RPL31: variants seen among roughly 807,000 people sequenced by gnomAD.
RPL31 encodes ribosomal protein L31.
For synonymous variants in RPL31, 51 were observed against 55.0 expected (o/e 0.93, Z 0.32); for missense variants, 95 against 164.0 (o/e 0.58, Z 2.30).
chr2:101,003,260 A>C (rs1356183447), intron 2 of RPL31, among the ~76,000 whole-genome samples: 3 of 152,168 alleles, frequency 2.0e-5, no homozygotes, highest in Non-Finnish European at 4.4e-5. Flanking sequence ...TTTTTCCACA[A>C]ATAAATGCTT....
At chr2:101,004,326 C>T (rs766345294) in intron 3 of RPL31, 43 bp downstream of exon 3, 15 of 1,608,704 alleles carry the variant, frequency 9.3e-6, no homozygotes, top group East Asian at 4.5e-5. Flanking sequence ...TTTGCAATGA[C>T]ACCAGCTTCA....
chr2:101,017,074 TAAA>T (rs376317331), intron 4 of RPL31, among the ~76,000 whole-genome samples: 32 of 133,022 alleles, frequency 2.4e-4, no homozygotes, highest in Admixed American at 1.6e-3. Context: ...TTAAAAGTAT[TAAA>T]AAAAAAAAAA....
chr2:101,004,139 A>T lies in RPL31; in HGVS notation c.108-19A>T, dbSNP rs1224028338. On this transcript the variant is annotated intron_variant, in intron 2 of 4. Transcript: ENST00000264258. ...AGTTTTGTGCTCCTTTAATTTGTTC[A>T]CTTATGTTTGAATCGTAGGGGCTTC... 1 of 1,609,904 alleles carries T rather than the reference A, an allele frequency of 6.2e-7. No individual in the cohort carries two copies.
At chr2:101,013,208 C>T (rs564405420) in intron 4 of RPL31, among the ~76,000 whole-genome samples, 24 of 152,062 alleles carry the variant, frequency 1.6e-4, no homozygotes, top group Non-Finnish European at 3.2e-4. Flanking sequence ...CAACCTCTGC[C>T]GTCACAGCAT....
chr2:101,003,381 C>G (rs934167111), intron 2 of RPL31, among the ~76,000 whole-genome samples: 2 of 152,114 alleles, frequency 1.3e-5, no homozygotes, highest in African/African-American at 4.8e-5. Flanking sequence ...GGCGCGCTCT[C>G]GGCTCACTGC....
Position 101,006,450 on chromosome 2 carries a change from T to G in RPL31, c.*69T>G. The G allele has an allele frequency of 2.1e-6, 3 of 1,440,134 alleles. No homozygotes were observed. Among genetic ancestry groups the G allele is most frequent in the Non-Finnish European group, 2.9e-6 (3 of 1,042,220 alleles). The allele number at this position is 1,440,134 out of a possible 1,614,324, so 89.2% of individuals were successfully genotyped here. ...GTTTTTGTTCTTTTTAGTTGCAACA[T>G]AATGTACTTGTATACCCTATCCTAA... On this transcript the variant is annotated 3_prime_UTR_variant, in exon 5 of 5. Transcript: ENST00000264258.
chr2:101,012,921 ATCCAC>A (rs769994253), intron 4 of RPL31, among the ~76,000 whole-genome samples: 14 of 152,238 alleles, frequency 9.2e-5, no homozygotes, highest in Non-Finnish European at 7.3e-5. Context: ...ACATGTAAGA[ATCCAC>A]TCAAACTGAA....
chr2:101,015,329 T>C (rs2105367026), intron 4 of RPL31, among the ~76,000 whole-genome samples: 1 of 152,260 alleles, frequency 6.6e-6, no homozygotes. Context: ...AATCAGTGAG[T>C]AGCGAGTGAA....
At chr2:101,017,340 A>G (rs1234077984) in intron 4 of RPL31, among the ~76,000 whole-genome samples, 1 of 152,194 alleles carries the variant, frequency 6.6e-6, no homozygotes, top group Non-Finnish European at 1.5e-5. Context: ...ACATAAACCA[A>G]TAACATTCAT....
Position 101,007,234 on chromosome 2 carries a change from CAAAAAGTTTCT to C in RPL31, c.*854_*864del, listed in dbSNP as rs1678787284. 2.0e-5 allele frequency: 3 copies of C among 152,404 alleles called. No homozygotes were observed. Among genetic ancestry groups the C allele is most frequent in the Admixed American group, 2.0e-4 (3 of 15,312 alleles). The allele number at this position is 152,404 out of a possible 1,614,324, so 9.4% of individuals were successfully genotyped here. ...GTAAAAGAAAAGGACCAAGTAAATA[CAAAAAGTTTCT>C]TATTAAAAAACTTGGAAGCCAACAT... On this transcript the variant is annotated 3_prime_UTR_variant, in exon 5 of 5. Transcript: ENST00000264258.
intron 4 of RPL31, chr2:101,018,866 A>G: frequency 8.5e-7 from 1 of 1,171,642 alleles, no homozygotes; most frequent in Non-Finnish European, 1.2e-6. Flanking sequence ...ATAATTAACT[A>G]AGCAAAATGG....
At chr2:101,007,761 A>G, downstream of RPL31, 1 of 1,534,754 alleles carries the variant, frequency 6.5e-7, no homozygotes, top group Non-Finnish European at 8.9e-7. Context: ...GACCCCAAGA[A>G]ACAGTCTGGT....
chr2:101,003,608 A>G (rs1678619859), intron 2 of RPL31, among the ~76,000 whole-genome samples: 1 of 152,172 alleles, frequency 6.6e-6, no homozygotes, highest in Admixed American at 6.5e-5. Context: ...TATTTCTAGT[A>G]CCGTTTACTT....
downstream of RPL31, chr2:101,007,870 A>AAAGT: frequency 6.2e-7 from 1 of 1,613,866 alleles, no homozygotes; most frequent in South Asian, 1.1e-5. Flanking sequence ...GCTCATTTCA[A>AAAGT]AAGTTTTGAG....
chr2:101,017,954 G>C, intron 4 of RPL31: 2 of 1,549,258 alleles, frequency 1.3e-6, no homozygotes, highest in Non-Finnish European at 1.7e-6. Context: ...TCTCTACTTG[G>C]TGAAAAGTCA....
At chr2:101,005,801 G>A in intron 3 of RPL31, 158 bp from the exon 4 acceptor site, 3 of 640,766 alleles carry the variant, frequency 4.7e-6, no homozygotes, top group East Asian at 5.6e-5. Context: ...TCACCTGGGG[G>A]TTATGTTTCA....
intron 4 of RPL31, among the ~76,000 whole-genome samples, chr2:101,012,756 A>G (rs1026774006): frequency 5.9e-5 from 9 of 152,248 alleles, no homozygotes; most frequent in Non-Finnish European, 8.8e-5. Flanking sequence ...CATATTTTAA[A>G]AAGTTTGGAA....
At chr2:101,016,866 T>A (rs1048509023) in intron 4 of RPL31, among the ~76,000 whole-genome samples, 1 of 151,934 alleles carries the variant, frequency 6.6e-6, no homozygotes, top group Non-Finnish European at 1.5e-5. Flanking sequence ...TAGATGGGAA[T>A]TGAACAATGA....
chr2:101,017,143 A>G (rs529834576), intron 4 of RPL31, among the ~76,000 whole-genome samples: 4 of 151,978 alleles, frequency 2.6e-5, no homozygotes, highest in Non-Finnish European at 5.9e-5. Context: ...CGTCAATATC[A>G]GTGTCTTCCA....
Sources: gnomAD v4.1 joint callset for allele counts (sites outside exome capture counted in the v4.1 genomes callset) on GRCh38, gnomAD v4.1.1 for gene constraint, MANE v1.5 for transcripts, NCBI Gene and HGNC (gene_info 2026-07-23, HGNC 2026-07-21) for gene names.